The following SPEN variants were observed in gnomAD, a reference collection of about 807,000 sequenced individuals.
SPEN encodes spen family transcriptional repressor.
In SPEN, 18 loss-of-function variants were observed where a neutral mutation model predicts 269.9. The ratio of observed to expected loss-of-function variants is 0.07; its 90% CI spans 0.05 to 0.10. The LOEUF (loss-of-function observed/expected upper bound fraction) is 0.10, where lower values mean the gene tolerates loss of function less well. SPEN is among the 10% of genes least tolerant of loss of function. SPEN has a pLI of 1.00. For synonymous variants in SPEN, 1,726 were observed against 1,765.7 expected (o/e 0.98, Z 0.56); for missense variants, 3,822 against 4,631.2 (o/e 0.83, Z 5.07).
intron 3 of SPEN, among the ~76,000 whole-genome samples, chr1:15,896,493 G>T (rs940028135): frequency 5.9e-5 from 9 of 152,158 alleles, no homozygotes; most frequent in Middle Eastern, 3.4e-3. Context: ...ACTATGCCCA[G>T]CCTTTACCAT....
At chr1:15,910,110 C>T (rs1485950987) in intron 4 of SPEN, among the ~76,000 whole-genome samples, 2 of 118,364 alleles carry the variant, frequency 1.7e-5, no homozygotes, top group Admixed American at 1.2e-4. Flanking sequence ...GGCGACAGAG[C>T]GAGACTCTGT....
intron 9 of SPEN, 70 bp from the exon 10 acceptor site, chr1:15,922,179 C>T (rs2071125656): frequency 8.3e-7 from 1 of 1,201,684 alleles, no homozygotes; most frequent in East Asian, 2.3e-5. Context: ...GAAGAATTTA[C>T]AAATCTGATA....
chr1:15,877,869 C>G (rs2070647241), intron 3 of SPEN, among the ~76,000 whole-genome samples: 1 of 151,398 alleles, frequency 6.6e-6, no homozygotes, highest in Admixed American at 6.6e-5. Context: ...CTCAGCTTCC[C>G]ATGTAGCTGA....
chr1:15,906,453 C>CTTTTTTTTTTTTTTTTTTTTTTTTT (rs200731520), intron 3 of SPEN, among the ~76,000 whole-genome samples: 7 of 92,538 alleles, frequency 7.6e-5, no homozygotes, highest in Non-Finnish European at 1.4e-4. Context: ...TCTTTCTTTC[C>CTTTTTTTTTTTTTTTTTTTTTTTTT]TTTTTTTTTT....
intron 10 of SPEN, among the ~76,000 whole-genome samples, chr1:15,925,448 C>A (rs998163449): frequency 3.9e-5 from 6 of 152,130 alleles, no homozygotes; most frequent in African/African-American, 1.4e-4. Context: ...TCTTTGAGGG[C>A]AGAACTGCTT....
At position 15,939,058 on chromosome 1, in the gene SPEN, G is replaced by A. The variant is rs1394632166; in HGVS notation, c.10863+182G>A. Among the ~76,000 whole-genome samples, 1 of 152,204 alleles carries A rather than the reference G, an allele frequency of 6.6e-6. No homozygotes were observed. Among genetic ancestry groups the A allele is most frequent in the African/African-American group, 2.4e-5 (1 of 41,458 alleles). On this transcript the variant is annotated intron_variant, in intron 14 of 14. Coordinates refer to ENST00000375759, the MANE Select transcript of SPEN (RefSeq NM_015001.3). This position sits in a 1 kb window ranked among gnomAD's most constrained non-coding sequence, Gnocchi z 4.1. ...CATCACCCATCCTGAAGAGAACCCA[G>A]GGAACCGCTGAGAACACAGGTTTTC...
Position 15,935,448 on chromosome 1 carries a change from A to G in SPEN, c.9208A>G (p.Ser3070Gly). The change falls in exon 11 of 15, where the codon AGC becomes GGC. Residue 3070 changes from serine to glycine, a missense_variant. Ser to Gly is a moderately conservative substitution (Grantham distance 56). Transcript: ENST00000375759. This position sits in a 1 kb window ranked among gnomAD's most constrained non-coding sequence, Gnocchi z 7.7. ...AGIPVPQFISSIHPEQSVIMP... is the reference protein window; with the variant it reads ...AGIPVPQFISGIHPEQSVIMP... The stretch of plus-strand genomic sequence containing the variant: ...CATCCCAGTGCCCCAGTTCATCTCC[A>G]GCATCCACCCAGAGCAGTCTGTCAT... The G allele has an allele frequency of 6.2e-7, 1 of 1,613,966 alleles. No individual in the cohort carries two copies. The highest frequency in any genetic ancestry group is 8.5e-7 in the Non-Finnish European group (1 of 1,179,960).
rs1387045955 is a variant in SPEN at position 15,930,172 on chromosome 1, C to T, written c.3932C>T (p.Pro1311Leu). ...TVREESLKFN[P>L]YDSSRREQMA... ...AGGGAAGAGTCTTTAAAATTTAATC[C>T]TTATGATTCTAGCAGGAGAGAACAG... Residue 1311 changes from proline (P) to leucine (L), a missense_variant, in exon 11 of 15, where the codon CCT becomes CTT. This residue lies in a region of SPEN where 267 missense variants were observed against 315.5 expected (regional missense o/e 0.85). Transcript: ENST00000375759. The surrounding 1 kb of genome is among the most constrained non-coding windows in gnomAD (Gnocchi z 5.3). 1.2e-6 allele frequency: 2 copies of T among 1,614,128 alleles called. No homozygotes were observed.
chr1:15,898,735 G>T (rs2070867132), intron 3 of SPEN, among the ~76,000 whole-genome samples: 1 of 151,528 alleles, frequency 6.6e-6, no homozygotes, highest in Admixed American at 6.6e-5. Context: ...TAATTTTTTT[G>T]TGTTTTTAGT....
rs1276986244 is a variant in SPEN, at chr1:15,848,490, G to A, written c.83+340G>A. Among the ~76,000 whole-genome samples the A allele has an allele frequency of 6.6e-6, 1 of 151,920 alleles. No individual in the cohort carries two copies. Among genetic ancestry groups the A allele is most frequent in the East Asian group, 1.9e-4 (1 of 5,184 alleles). Reference sequence around the variant, plus strand: ...GAGTCGGTGGGAGATGCGCTGGGCGGCGGGGTCGCGTCCTTGCGCGCAGTG... The same window carrying A: ...GAGTCGGTGGGAGATGCGCTGGGCGACGGGGTCGCGTCCTTGCGCGCAGTG... On this transcript the variant is annotated intron_variant, in intron 1 of 14. Coordinates refer to ENST00000375759, the MANE Select transcript of SPEN (RefSeq NM_015001.3). The surrounding 1 kb of genome is among the most constrained non-coding windows in gnomAD (Gnocchi z 5.1).
chr1:15,937,775 C>T lies in SPEN; in HGVS notation c.10510-37C>T. On this transcript the variant is annotated intron_variant, in intron 12 of 14. Coordinates refer to ENST00000375759, the MANE Select transcript of SPEN (RefSeq NM_015001.3). This position sits in a 1 kb window ranked among gnomAD's most constrained non-coding sequence, Gnocchi z 5.7. ...GTGTCCAGCATGGCTCAGCGAGGGG[C>T]CATGAGCTCACTTCCTGTTTGTTTC... is the stretch of plus-strand genomic sequence containing the variant. 1 of 1,612,224 alleles carries T rather than the reference C, an allele frequency of 6.2e-7. No individual in the cohort carries two copies. Among genetic ancestry groups the T allele is most frequent in the Non-Finnish European group, 8.5e-7 (1 of 1,179,120 alleles).
At chr1:15,913,455 T>G (rs978341736) in intron 5 of SPEN, among the ~76,000 whole-genome samples, 3 of 151,798 alleles carry the variant, frequency 2.0e-5, no homozygotes, top group Non-Finnish European at 4.4e-5. Context: ...CACACCTTGA[T>G]TGATTGATTG....
chr1:15,877,073 A>G (rs2070638425), intron 3 of SPEN, among the ~76,000 whole-genome samples: 1 of 152,202 alleles, frequency 6.6e-6, no homozygotes, highest in Non-Finnish European at 1.5e-5. Context: ...GTTTGGTTAA[A>G]TATGTATTGG....
At chr1:15,864,865 AGGGG>A (rs1047102075) in intron 1 of SPEN, among the ~76,000 whole-genome samples, 2 of 132,490 alleles carry the variant, frequency 1.5e-5, no homozygotes, top group African/African-American at 5.6e-5. Context: ...TTAGTAGAGA[AGGGG>A]GTAGGGTGGG....
rs374457852 is a variant in SPEN, at chr1:15,931,568, G to A, written c.5328G>A (p.Lys1776=). Reference sequence around the variant, plus strand: ...AAGCCAATGAGCCAAAGGCCGAAAAGCCAGACGCCACTGCAGATGCTGAGC... The same window carrying A: ...AAGCCAATGAGCCAAAGGCCGAAAAACCAGACGCCACTGCAGATGCTGAGC... ...SEEANEPKAE[K]PDATADAEPD... Residue 1776 remains lysine (K), a synonymous_variant, in exon 11 of 15, where the codon AAG becomes AAA. Coordinates refer to ENST00000375759, the MANE Select transcript of SPEN (RefSeq NM_015001.3). The surrounding 1 kb of genome is among the most constrained non-coding windows in gnomAD (Gnocchi z 4.8). The A allele has an allele frequency of 8.1e-6, 13 of 1,614,086 alleles. No individual in the cohort carries two copies. Among genetic ancestry groups the A allele is most frequent in the African/African-American group, 8.0e-5 (6 of 74,922 alleles).
chr1:15,872,022 G>A (rs1204743263), intron 1 of SPEN, among the ~76,000 whole-genome samples: 2 of 151,498 alleles, frequency 1.3e-5, no homozygotes, highest in Non-Finnish European at 2.9e-5. Context: ...ATCACCTGAG[G>A]TCAGGAGTGC....
At chr1:15,912,177 GT>G (rs1043597081) in intron 5 of SPEN, among the ~76,000 whole-genome samples, 6 of 152,134 alleles carry the variant, frequency 3.9e-5, no homozygotes, top group Admixed American at 3.9e-4. Context: ...TGTGGAACCT[GT>G]TATAAGGCAG....
In SPEN at chr1:15,940,440, A is replaced by T; in HGVS notation, c.*1013A>T. ...TGTCCATTGGATTACAAACTTTATTAAAAAATATAAAACACACCAAGTGTG... is the reference window on the plus strand; with the variant it reads ...TGTCCATTGGATTACAAACTTTATTTAAAAATATAAAACACACCAAGTGTG... On this transcript the variant is annotated 3_prime_UTR_variant, in exon 15 of 15. Coordinates refer to ENST00000375759, the MANE Select transcript of SPEN (RefSeq NM_015001.3). 1 of 229,160 alleles carries T rather than the reference A, an allele frequency of 4.4e-6. No homozygotes were observed. The highest frequency in any genetic ancestry group is 8.7e-6 in the Non-Finnish European group (1 of 115,258). 14.2% of individuals were successfully genotyped at this position (229,160 alleles called of 1,614,324 possible). A position where few individuals can be genotyped will look rare whatever the true frequency, so the allele number is the denominator to read the frequency against.
chr1:15,905,836 G>T (rs764391156), intron 3 of SPEN, among the ~76,000 whole-genome samples: 1 of 152,116 alleles, frequency 6.6e-6, no homozygotes, highest in Non-Finnish European at 1.5e-5. Flanking sequence ...GCCTCCCAAA[G>T]TGCTGGGATT....
Sources: gnomAD v4.1 joint callset for allele counts (sites outside exome capture counted in the v4.1 genomes callset) on GRCh38, gnomAD v4.1.1 for gene constraint, gnomAD v4.1.1 regional missense constraint, Gnocchi (gnomAD v3.1) non-coding constraint, MANE v1.5 for transcripts, NCBI Gene and HGNC (gene_info 2026-07-23, HGNC 2026-07-21) for gene names.